The following ERBB4 variants were observed in gnomAD, a reference collection of about 807,000 sequenced individuals.
The protein encoded by ERBB4 is erb-b2 receptor tyrosine kinase 4.
ERBB4 carries 42 observed loss-of-function variants against 158.0 expected under a neutral mutation model. The ratio of observed to expected loss-of-function variants is 0.27; its 90% CI spans 0.21 to 0.34. ERBB4 has a LOEUF of 0.34. Among genes scored for constraint, ERBB4 ranks in the 10% least tolerant of loss-of-function variants. The probability of loss-of-function intolerance (pLI) is 1.00; values close to 1 mark genes in which losing one functional copy is unlikely to be tolerated. For synonymous variants in ERBB4, 583 were observed against 558.7 expected, an observed-to-expected ratio of 1.04 and a Z score of -0.61; for missense variants, 1,333 against 1,624.1, an observed-to-expected ratio of 0.82 and a Z score of 3.08.
At chr2:212,192,031 TTATATGTTATA>T (rs1422291505) in intron 1 of ERBB4, among the ~76,000 whole-genome samples, 19 of 47,604 alleles carry the variant, frequency 4.0e-4, no homozygotes, top group South Asian at 9.4e-4. Context: ...GTTATATATG[TTATATGTTATA>T]TATATGTTAT....
intron 12 of ERBB4, among the ~76,000 whole-genome samples, chr2:211,695,988 C>T (rs888018969): frequency 6.8e-5 from 10 of 147,708 alleles, no homozygotes; most frequent in African/African-American, 2.3e-4. Context: ...TTCCTTCCTC[C>T]CTCCTTCCCT....
intron 19 of ERBB4, among the ~76,000 whole-genome samples, chr2:211,565,717 A>G (rs2067526157): frequency 1.3e-5 from 2 of 152,134 alleles, no homozygotes; most frequent in African/African-American, 4.8e-5. Flanking sequence ...GGCTTCCCAG[A>G]TCCAGCCAAG....
intron 1 of ERBB4, among the ~76,000 whole-genome samples, chr2:212,143,660 T>G (rs1203981512): frequency 6.6e-6 from 1 of 151,550 alleles, no homozygotes. Flanking sequence ...AAAGTGGGAG[T>G]GAATAATATC....
At chr2:212,226,897 C>G (rs975901838) in intron 1 of ERBB4, among the ~76,000 whole-genome samples, 1 of 152,138 alleles carries the variant, frequency 6.6e-6, no homozygotes, top group South Asian at 2.1e-4. Context: ...TTGTGGATTT[C>G]CATTAATATG....
intron 25 of ERBB4, among the ~76,000 whole-genome samples, chr2:211,395,188 G>T (rs927567459): frequency 2.9e-4 from 44 of 152,122 alleles, no homozygotes; most frequent in African/African-American, 9.9e-4. Flanking sequence ...CTTGTTCAAA[G>T]TATCACTTAG....
At chr2:211,709,274 T>TACAC (rs56023302) in intron 9 of ERBB4, among the ~76,000 whole-genome samples, 1 of 136,552 alleles carries the variant, frequency 7.3e-6, no homozygotes, top group African/African-American at 2.9e-5. Context: ...TATATATATA[T>TACAC]ACATACATAT....
intron 20 of ERBB4, among the ~76,000 whole-genome samples, chr2:211,431,817 A>C (rs2063753629): frequency 6.6e-6 from 1 of 152,162 alleles, no homozygotes; most frequent in African/African-American, 2.4e-5. Context: ...TTAAAAATAA[A>C]ATTTGTTGGT....
At chr2:211,992,170 C>G (rs1380828743) in intron 2 of ERBB4, among the ~76,000 whole-genome samples, 1 of 152,012 alleles carries the variant, frequency 6.6e-6, no homozygotes, top group Non-Finnish European at 1.5e-5. Context: ...TATAAACCAA[C>G]TAATGTCTTT....
chr2:212,345,875 C>T (rs1226891208), intron 1 of ERBB4, among the ~76,000 whole-genome samples: 2 of 151,926 alleles, frequency 1.3e-5, no homozygotes, highest in Non-Finnish European at 1.5e-5. Flanking sequence ...AGTTCTGAGA[C>T]CAATATATCT....
chr2:212,497,377 T>C (rs1191269834), intron 1 of ERBB4, among the ~76,000 whole-genome samples: 1 of 152,180 alleles, frequency 6.6e-6, no homozygotes, highest in East Asian at 1.9e-4. Context: ...TTTTTCTTTA[T>C]CAAAATGAGA....
chr2:211,417,615 T>C (rs2063422649), intron 25 of ERBB4, among the ~76,000 whole-genome samples: 1 of 152,228 alleles, frequency 6.6e-6, no homozygotes, highest in Non-Finnish European at 1.5e-5. Flanking sequence ...GTATTTTGAA[T>C]TGATTCATTG....
intron 20 of ERBB4, among the ~76,000 whole-genome samples, chr2:211,526,502 G>A (rs369599347): frequency 2.0e-5 from 3 of 152,066 alleles, no homozygotes; most frequent in Non-Finnish European, 4.4e-5. Flanking sequence ...AACCTTCCAA[G>A]AAGAATGAGT....
intron 20 of ERBB4, among the ~76,000 whole-genome samples, chr2:211,512,254 G>A (rs2125616235): frequency 6.6e-6 from 1 of 152,044 alleles, no homozygotes; most frequent in East Asian, 1.9e-4. Flanking sequence ...AATATCACCT[G>A]TTCCACTTGT....
intron 17 of ERBB4, among the ~76,000 whole-genome samples, chr2:211,626,966 A>AAT (rs59869376): frequency 0.78 from 118,120 of 150,584 alleles, 48,026 homozygotes; most frequent in Non-Finnish European, 0.88. Context: ...TAAAAAAAAA[A>AAT]AAGTGTGTGT....
chr2:211,633,903 A>T (rs1224363429), intron 16 of ERBB4, among the ~76,000 whole-genome samples: 1 of 152,226 alleles, frequency 6.6e-6, no homozygotes, highest in African/African-American at 2.4e-5. Context: ...TCACGCCTGT[A>T]ATCCCCACAC....
intron 1 of ERBB4, among the ~76,000 whole-genome samples, chr2:212,193,499 G>A (rs1256940154): frequency 1.3e-5 from 2 of 151,964 alleles, no homozygotes; most frequent in Admixed American, 1.3e-4. Flanking sequence ...TCTTGTGGGA[G>A]AAATACTAAA....
chr2:212,340,653 G>C (rs1309479503), intron 1 of ERBB4, among the ~76,000 whole-genome samples: 1 of 152,150 alleles, frequency 6.6e-6, no homozygotes, highest in African/African-American at 2.4e-5. Context: ...GTCTCACTAT[G>C]TTGTCCAGGC....
At chr2:211,872,103 G>A (rs1347648856) in intron 3 of ERBB4, among the ~76,000 whole-genome samples, 1 of 140,046 alleles carries the variant, frequency 7.1e-6, no homozygotes, top group Non-Finnish European at 1.6e-5. Flanking sequence ...TAATTTTCTA[G>A]ACCAAAAATA....
At position 211,469,448 on chromosome 2, in the gene ERBB4, A is replaced by C. The variant is rs548509622; in HGVS notation, c.2488-38348T>G. Among the ~76,000 whole-genome samples, 4 of 152,136 alleles carry C rather than the reference A, an allele frequency of 2.6e-5. No homozygotes were observed. In the South Asian group the frequency reaches 8.3e-4, roughly 32 times the overall value. On this transcript the variant is annotated intron_variant, in intron 20 of 27. Coordinates refer to ENST00000342788, the MANE Select transcript of ERBB4 (RefSeq NM_005235.3). The stretch of plus-strand genomic sequence containing the variant: ...ATCTTCATGTGTACATGAGATATGC[A>C]TGTTTATTCCAAGACAGCTAAAACC...
Sources: gnomAD v4.1 joint callset for allele counts (sites outside exome capture counted in the v4.1 genomes callset) on GRCh38, gnomAD v4.1.1 for gene constraint, MANE v1.5 for transcripts, NCBI Gene and HGNC (gene_info 2026-07-23, HGNC 2026-07-21) for gene names.